The following MAPK4 variants were observed in gnomAD, a reference collection of about 807,000 sequenced individuals.
MAPK4 encodes Erk3-related.
A neutral mutation model predicts 47.7 loss-of-function variants in MAPK4; 22 were observed. That is an observed-to-expected ratio of 0.46 (90% CI 0.33 to 0.66). MAPK4 has a LOEUF of 0.66. Among genes scored for constraint, MAPK4 ranks in the 30% least tolerant of loss-of-function variants. MAPK4 has a pLI of 0.02. For missense variants in MAPK4, 736 were observed against 831.7 expected (o/e 0.88, Z 1.42); for synonymous variants, 390 against 365.7 (o/e 1.07, Z -0.76).
chr18:50,687,188 A>AT (rs1032470598), intron 2 of MAPK4, among the ~76,000 whole-genome samples: 3 of 151,882 alleles, frequency 2.0e-5, no homozygotes, highest in African/African-American at 4.8e-5. Context: ...TGCCTGGCTA[A>AT]TTTTTTTTCT....
At chr18:50,687,861 G>A (rs1908971708) in intron 2 of MAPK4, among the ~76,000 whole-genome samples, 1 of 152,150 alleles carries the variant, frequency 6.6e-6, no homozygotes, top group Non-Finnish European at 1.5e-5. Context: ...AGATTTAATG[G>A]AGGGACTGGA....
At chr18:50,563,267 G>A (rs1351388218) in intron 1 of MAPK4, among the ~76,000 whole-genome samples, 1 of 152,176 alleles carries the variant, frequency 6.6e-6, no homozygotes, top group Non-Finnish European at 1.5e-5. Flanking sequence ...GATTCAGATG[G>A]GCAAAGACAA....
At chr18:50,578,133 C>T (rs1452540268) in intron 1 of MAPK4, among the ~76,000 whole-genome samples, 2 of 152,192 alleles carry the variant, frequency 1.3e-5, no homozygotes, top group South Asian at 2.1e-4. Context: ...CTGTTTAGTC[C>T]AAGGCGTAAG....
intron 1 of MAPK4, among the ~76,000 whole-genome samples, chr18:50,580,402 G>T (rs531967543): frequency 2.0e-5 from 3 of 152,278 alleles, no homozygotes; most frequent in East Asian, 3.9e-4. Context: ...GGAAGTAATG[G>T]GTGTGACCAA....
intron 2 of MAPK4, among the ~76,000 whole-genome samples, chr18:50,711,722 T>C (rs1183508597): frequency 6.6e-6 from 1 of 152,214 alleles, no homozygotes; most frequent in East Asian, 1.9e-4. Context: ...CCCTGCAGGC[T>C]TGGGCAGAGG....
intron 1 of MAPK4, among the ~76,000 whole-genome samples, chr18:50,589,964 A>G (rs2042423003): frequency 6.6e-6 from 1 of 152,214 alleles, no homozygotes; most frequent in East Asian, 1.9e-4. Flanking sequence ...CAGATGCATC[A>G]TTATAGTTAA....
intron 2 of MAPK4, among the ~76,000 whole-genome samples, chr18:50,681,230 C>A (rs1220451311): frequency 6.6e-6 from 1 of 152,038 alleles, no homozygotes; most frequent in Non-Finnish European, 1.5e-5. Context: ...TCTATTTAGA[C>A]CCTTTGTTCA....
At chr18:50,632,336 C>T (rs552838937) in intron 1 of MAPK4, among the ~76,000 whole-genome samples, 1 of 152,154 alleles carries the variant, frequency 6.6e-6, no homozygotes, top group Non-Finnish European at 1.5e-5. Context: ...CTTTTTGTTG[C>T]TGTTTGATTT....
At chr18:50,597,986 T>G (rs1485551090) in intron 1 of MAPK4, among the ~76,000 whole-genome samples, 1 of 152,204 alleles carries the variant, frequency 6.6e-6, no homozygotes, top group Non-Finnish European at 1.5e-5. Context: ...AAACAAGTAG[T>G]GAGATTTGGG....
chr18:50,568,521 A>T (rs1568029776), intron 1 of MAPK4, among the ~76,000 whole-genome samples: 1 of 152,226 alleles, frequency 6.6e-6, no homozygotes, highest in Admixed American at 6.5e-5. Context: ...AACCACAGTC[A>T]CATACACTTT....
intron 1 of MAPK4, chr18:50,629,605 A>G (rs866981857): frequency 6.6e-6 from 1 of 152,220 alleles, no homozygotes; most frequent in Non-Finnish European, 1.5e-5. Flanking sequence ...ACAGCAGAGC[A>G]TCAGCTAAAT....
At chr18:50,717,562 C>A (rs147399345) in intron 3 of MAPK4, among the ~76,000 whole-genome samples, 108 of 152,204 alleles carry the variant, frequency 7.1e-4, no homozygotes, top group Non-Finnish European at 1.3e-3. Context: ...AGATTCCCCC[C>A]ACTAAAGCCC....
chr18:50,660,219 A>G (rs927633872), intron 1 of MAPK4, among the ~76,000 whole-genome samples: 1 of 152,226 alleles, frequency 6.6e-6, no homozygotes. Context: ...AGGCATAATA[A>G]TAAACTCAAA....
intron 1 of MAPK4, among the ~76,000 whole-genome samples, chr18:50,561,744 A>C (rs751680650): frequency 1.6e-4 from 24 of 152,190 alleles, no homozygotes; most frequent in Non-Finnish European, 3.2e-4. Flanking sequence ...TCTACACTTG[A>C]GGGTACACTT....
chr18:50,689,404 TAAAAA>T (rs34978159), intron 2 of MAPK4, among the ~76,000 whole-genome samples: 1 of 84,850 alleles, frequency 1.2e-5, no homozygotes, highest in African/African-American at 4.3e-5. Flanking sequence ...AACTCCATCT[TAAAAA>T]AAAAAAAAAA....
At chr18:50,616,648 A>C (rs1318792644) in intron 1 of MAPK4, among the ~76,000 whole-genome samples, 1 of 152,330 alleles carries the variant, frequency 6.6e-6, no homozygotes, top group East Asian at 1.9e-4. Context: ...GTCTGTGGCC[A>C]AAGGCCTGAG....
intron 1 of MAPK4, among the ~76,000 whole-genome samples, chr18:50,627,345 A>T (rs1297042001): frequency 6.6e-6 from 1 of 152,182 alleles, no homozygotes; most frequent in Non-Finnish European, 1.5e-5. Context: ...AGCTGACAGC[A>T]ATTATCTGAA....
At chr18:50,647,099 T>A (rs2144197157) in intron 1 of MAPK4, among the ~76,000 whole-genome samples, 1 of 152,366 alleles carries the variant, frequency 6.6e-6, no homozygotes, top group African/African-American at 2.4e-5. Context: ...AGTGATGCTC[T>A]ATAAATATTA....
chr18:50,582,782 T>G (rs2042357435), intron 1 of MAPK4, among the ~76,000 whole-genome samples: 2 of 152,218 alleles, frequency 1.3e-5, no homozygotes, highest in South Asian at 4.1e-4. Context: ...CACGAGCAGC[T>G]TCCATGTTGG....
Sources: gnomAD v4.1 joint callset for allele counts (sites outside exome capture counted in the v4.1 genomes callset) on GRCh38, gnomAD v4.1.1 for gene constraint, MANE v1.5 for transcripts, NCBI Gene and HGNC (gene_info 2026-07-23, HGNC 2026-07-21) for gene names.